The following PRELID2 variants were observed in gnomAD, a reference collection of about 807,000 sequenced individuals.
The protein encoded by PRELID2 is PRELI domain containing 2, also known as PRELI domain-containing protein 2.
Under a neutral mutation model 28.4 loss-of-function variants are expected in PRELID2, and 25 were observed. The observed-to-expected ratio is 0.88, with a 90% CI of 0.64 to 1.23. The LOEUF (loss-of-function observed/expected upper bound fraction) is 1.23, where lower values mean the gene tolerates loss of function less well. Among genes scored for constraint, PRELID2 ranks in the 50% most tolerant of loss-of-function variants. The pLI is 0.00. For synonymous variants in PRELID2, 76 were observed against 71.6 expected, an observed-to-expected ratio of 1.06 and a Z score of -0.31; for missense variants, 201 against 214.4, an observed-to-expected ratio of 0.94 and a Z score of 0.39.
At chr5:145,455,305 T>G in the PRELID2 span, among the ~76,000 whole-genome samples, 3 of 152,174 alleles carry the variant, frequency 2.0e-5, no homozygotes, top group African/African-American at 7.2e-5. Flanking sequence ...TCTGTTCCAT[T>G]GCTCTATATA....
At chr5:145,446,154 G>T in the PRELID2 span, among the ~76,000 whole-genome samples, 1 of 151,866 alleles carries the variant, frequency 6.6e-6, no homozygotes, top group South Asian at 2.1e-4. Flanking sequence ...ACAAAGAAAT[G>T]ATAAAAGTTT....
At chr5:145,639,237 G>C (rs1008278109) in intron 1 of PRELID2, among the ~76,000 whole-genome samples, 2 of 152,066 alleles carry the variant, frequency 1.3e-5, no homozygotes, top group African/African-American at 4.8e-5. Flanking sequence ...ATTTTGTTAA[G>C]AGCAATCTCA....
the PRELID2 span, among the ~76,000 whole-genome samples, chr5:145,405,157 T>C: frequency 6.6e-6 from 1 of 152,176 alleles, no homozygotes; most frequent in Non-Finnish European, 1.5e-5. Context: ...ATCTTTGCTA[T>C]TGTTAGAAAA....
intron 1 of PRELID2, among the ~76,000 whole-genome samples, chr5:145,617,660 T>G (rs115847083): frequency 0.012 from 1,774 of 152,240 alleles, 33 homozygotes; most frequent in African/African-American, 0.039. Context: ...GATGAGATTT[T>G]CCAGAGCATT....
chr5:145,411,186 T>A, the PRELID2 span, among the ~76,000 whole-genome samples: 1 of 152,084 alleles, frequency 6.6e-6, no homozygotes, highest in Admixed American at 6.5e-5. Flanking sequence ...AGCCTGACAA[T>A]CATGACAGAA....
At chr5:145,261,491 ATCACATCACAGGACTCTCTGCAG>A in the PRELID2 span, among the ~76,000 whole-genome samples, 2 of 152,176 alleles carry the variant, frequency 1.3e-5, no homozygotes, top group South Asian at 4.1e-4. Context: ...CTGAAGACAG[ATCACATCACAGGACTCTCTGCAG>A]TCACATCACA....
At chr5:145,456,809 A>G in the PRELID2 span, among the ~76,000 whole-genome samples, 1 of 152,202 alleles carries the variant, frequency 6.6e-6, no homozygotes, top group Non-Finnish European at 1.5e-5. Flanking sequence ...ACAATCTTTT[A>G]CAGTTTTCTT....
At chr5:145,244,818 C>T in the PRELID2 span, among the ~76,000 whole-genome samples, 4 of 152,028 alleles carry the variant, frequency 2.6e-5, no homozygotes, top group African/African-American at 7.2e-5. Flanking sequence ...CCCTAATTTT[C>T]TTTTACATGC....
At chr5:145,738,577 G>A (rs948918360) in intron 1 of PRELID2, among the ~76,000 whole-genome samples, 1 of 151,942 alleles carries the variant, frequency 6.6e-6, no homozygotes, top group Non-Finnish European at 1.5e-5. Flanking sequence ...CATCAGAATG[G>A]GGAAAGGAAA....
rs1056356560 is a variant in PRELID2 at position 145,510,622 on chromosome 5, G to T, written n.71-37307C>A. Among the ~76,000 whole-genome samples the T allele has an allele frequency of 5.9e-5, 9 of 152,340 alleles. No homozygotes were observed. The South Asian group carries it at 1.9e-3, about 32-fold the overall frequency. ...TAGAAATAATTTCAGAAGGCTGGAG[G>T]CAAAGCAGAGGTGATGCTAGCTATC... On this transcript the variant is annotated intron_variant and non_coding_transcript_variant, in intron 1 of 2. Transcript: ENST00000510259.
chr5:145,626,059 C>T (rs112791529), intron 1 of PRELID2, among the ~76,000 whole-genome samples: 49 of 152,082 alleles, frequency 3.2e-4, no homozygotes, highest in African/African-American at 1.1e-3. Flanking sequence ...AAAAATAAGA[C>T]CTGAAAGTAT....
At chr5:145,311,806 C>T in the PRELID2 span, among the ~76,000 whole-genome samples, 11 of 152,194 alleles carry the variant, frequency 7.2e-5, no homozygotes, top group Admixed American at 1.3e-4. Flanking sequence ...AGCTTAAATT[C>T]TAGAGTAGTG....
At chr5:145,532,690 C>A (rs776239940) in intron 1 of PRELID2, among the ~76,000 whole-genome samples, 5 of 152,048 alleles carry the variant, frequency 3.3e-5, no homozygotes, top group Admixed American at 6.6e-5. Context: ...TTTTTAGATT[C>A]CACATACAAG....
the PRELID2 span, among the ~76,000 whole-genome samples, chr5:145,317,493 A>G: frequency 1.3e-5 from 2 of 152,032 alleles, no homozygotes. Context: ...TGTCTGACAT[A>G]CTCTGTAACA....
At chr5:145,817,832 G>A in intron 4 of PRELID2, 62 bp downstream of exon 4, 10 of 1,329,384 alleles carry the variant, frequency 7.5e-6, no homozygotes, top group Non-Finnish European at 1.0e-5. Flanking sequence ...GATTTTTAAT[G>A]TATGTACTCA....
At chr5:145,707,489 T>A (rs1446575976) in intron 1 of PRELID2, among the ~76,000 whole-genome samples, 1 of 152,222 alleles carries the variant, frequency 6.6e-6, no homozygotes, top group Non-Finnish European at 1.5e-5. Flanking sequence ...CCACCAGGAA[T>A]GAGACTTTTT....
intron 1 of PRELID2, among the ~76,000 whole-genome samples, chr5:145,682,196 A>G (rs1754949938): frequency 6.6e-6 from 1 of 152,208 alleles, no homozygotes; most frequent in Non-Finnish European, 1.5e-5. Context: ...GAAACCTAAA[A>G]ATAAAAAGCC....
intron 1 of PRELID2, among the ~76,000 whole-genome samples, chr5:145,682,307 C>G (rs1478479861): frequency 6.6e-6 from 1 of 152,112 alleles, no homozygotes; most frequent in Non-Finnish European, 1.5e-5. Context: ...CAGTTTCCAC[C>G]TCTGATGGGG....
downstream of PRELID2, among the ~76,000 whole-genome samples, chr5:145,468,420 G>C (rs931891027): frequency 6.6e-6 from 1 of 152,060 alleles, no homozygotes; most frequent in African/African-American, 2.4e-5. Context: ...ATAATCCTTT[G>C]GGTATATACC....
Sources: gnomAD v4.1 joint callset for allele counts (sites outside exome capture counted in the v4.1 genomes callset) on GRCh38, gnomAD v4.1.1 for gene constraint, MANE v1.5 for transcripts, NCBI Gene and HGNC (gene_info 2026-07-23, HGNC 2026-07-21) for gene names.